Variants in LITAF observed in about 807,000 individuals in gnomAD.
LITAF encodes lipopolysaccharide induced TNF factor.
In LITAF, 9 loss-of-function variants were observed where a neutral mutation model predicts 14.5. That is an observed-to-expected ratio of 0.62 (90% CI 0.37 to 1.08). The LOEUF is 1.08. Among genes scored for constraint, LITAF ranks in the 50% least tolerant of loss-of-function variants. LITAF has a pLI of 0.01. For missense variants in LITAF, 206 were observed against 213.4 expected (o/e 0.97, Z 0.22); for synonymous variants, 98 against 88.2 (o/e 1.11, Z -0.62).
At chr16:11,614,645 A>T (rs1252206986) in intron 3 of LITAF, among the ~76,000 whole-genome samples, 2 of 151,096 alleles carry the variant, frequency 1.3e-5, no homozygotes, top group Non-Finnish European at 3.0e-5. Context: ...TGTCACCCAG[A>T]CTGGAATGCA....
intron 1 of LITAF, among the ~76,000 whole-genome samples, chr16:11,570,242 T>C (rs1428490228): frequency 6.6e-6 from 1 of 152,054 alleles, no homozygotes; most frequent in Non-Finnish European, 1.5e-5. Context: ...GCTGTGAGAA[T>C]GTAGTGAGCA....
At chr16:11,582,210 T>A (rs1248507916) in intron 1 of LITAF, among the ~76,000 whole-genome samples, 5 of 151,640 alleles carry the variant, frequency 3.3e-5, no homozygotes, top group South Asian at 2.1e-4. Flanking sequence ...CATAAATGTG[T>A]ATGATTATTA....
intron 1 of LITAF, among the ~76,000 whole-genome samples, chr16:11,572,407 G>A (rs978686025): frequency 6.6e-6 from 1 of 151,904 alleles, no homozygotes; most frequent in Non-Finnish European, 1.5e-5. Context: ...AAACCACACA[G>A]AGACAGATGA....
At chr16:11,554,180 C>T (rs1037359020) in intron 2 of LITAF, among the ~76,000 whole-genome samples, 1 of 152,132 alleles carries the variant, frequency 6.6e-6, no homozygotes, top group Non-Finnish European at 1.5e-5. Context: ...TGCAGTGAAT[C>T]ATGATTGCGC....
At chr16:11,630,373 A>G (rs932226547) in intron 3 of LITAF, among the ~76,000 whole-genome samples, 9 of 152,138 alleles carry the variant, frequency 5.9e-5, no homozygotes, top group Non-Finnish European at 7.4e-5. Context: ...AAACTCGCCA[A>G]TGATGTCCTA....
intron 3 of LITAF, among the ~76,000 whole-genome samples, chr16:11,614,678 C>T (rs973444326): frequency 3.3e-5 from 5 of 152,160 alleles, no homozygotes; most frequent in African/African-American, 9.7e-5. Context: ...CAGCTCACTG[C>T]AACCTCCACC....
chr16:11,587,188 C>T, upstream of LITAF: 2 of 340,944 alleles, frequency 5.9e-6, no homozygotes, highest in South Asian at 4.4e-5. Flanking sequence ...GTCTCCCCCA[C>T]TCTCCTATCC....
At chr16:11,555,162 A>C (rs1441223817) in intron 2 of LITAF, among the ~76,000 whole-genome samples, 1 of 152,010 alleles carries the variant, frequency 6.6e-6, no homozygotes, top group African/African-American at 2.4e-5. Context: ...CCTCCCAAGT[A>C]GCTGGGACTA....
intron 2 of LITAF, among the ~76,000 whole-genome samples, chr16:11,633,828 T>C (rs1384361990): frequency 1.3e-5 from 2 of 152,186 alleles, no homozygotes; most frequent in African/African-American, 4.8e-5. Context: ...GAATTCTTTC[T>C]TGCACGAGAC....
At chr16:11,633,297 A>C (rs1389921330) in intron 3 of LITAF, among the ~76,000 whole-genome samples, 1 of 152,120 alleles carries the variant, frequency 6.6e-6, no homozygotes, top group African/African-American at 2.4e-5. Flanking sequence ...CAAGTTACTC[A>C]ACCTCTCTGT....
chr16:11,564,958 A>G (rs549518296), intron 1 of LITAF, among the ~76,000 whole-genome samples: 1 of 150,344 alleles, frequency 6.7e-6, no homozygotes, highest in African/African-American at 2.4e-5. Context: ...ACCAGATGGA[A>G]GTTGATGGTT....
chr16:11,553,589 C>A lies in LITAF; in HGVS notation c.321G>T (p.Leu107=). The change falls in exon 3 of 4, where the codon CTG becomes CTT. Residue 107 remains leucine (L), a synonymous_variant. Coordinates refer to ENST00000622633, the MANE Select transcript of LITAF (RefSeq NM_001136472.2). This position sits in a 1 kb window ranked among gnomAD's most constrained non-coding sequence, Gnocchi z 7.7. ...AGGTCAGAGCACCGGCGTTATAGGA[C>A]AGCTGACTCACGATCATCTTGTTGC... ...PSCNKMIVSQ[L]SYNAGALTWL... is the part of the protein sequence containing the mutation. 1.2e-6 allele frequency: 2 copies of A among 1,614,158 alleles called. No homozygotes were observed. Among genetic ancestry groups the A allele is most frequent in the Non-Finnish European group, 1.7e-6 (2 of 1,180,028 alleles).
At chr16:11,628,738 G>A (rs574214821) in intron 3 of LITAF, among the ~76,000 whole-genome samples, 1 of 151,838 alleles carries the variant, frequency 6.6e-6, no homozygotes, top group East Asian at 1.9e-4. Context: ...GTACAGTGGC[G>A]TGTTCTCAGC....
chr16:11,587,531 G>T, upstream of LITAF: 1 of 437,696 alleles, frequency 2.3e-6, no homozygotes, highest in Non-Finnish European at 4.6e-6. Context: ...AGACCGACTG[G>T]GAGTGAACTG....
chr16:11,553,827 G>C lies in LITAF; in HGVS notation c.221-138C>G, dbSNP rs1006315184. 3.0e-6 allele frequency: 3 copies of C among 988,680 alleles called. No homozygotes were observed. The highest frequency in any genetic ancestry group is 4.6e-6 in the Non-Finnish European group (3 of 656,462). 61.2% of individuals were successfully genotyped at this position (988,680 alleles called of 1,614,324 possible). A position where few individuals can be genotyped will look rare whatever the true frequency, so the allele number is the denominator to read the frequency against. ...TTTGTGTTCATAGCATGCGTTCATCGTCTGGCTATCTATGAGAGCCAAAAG... is the reference window on the plus strand; with the variant it reads ...TTTGTGTTCATAGCATGCGTTCATCCTCTGGCTATCTATGAGAGCCAAAAG... On this transcript the variant is annotated intron_variant, in intron 2 of 3. Coordinates refer to ENST00000622633, the MANE Select transcript of LITAF (RefSeq NM_001136472.2). The surrounding 1 kb of genome is among the most constrained non-coding windows in gnomAD (Gnocchi z 7.7).
intron 3 of LITAF, among the ~76,000 whole-genome samples, chr16:11,627,978 C>A (rs1373204448): frequency 7.1e-6 from 1 of 140,558 alleles, no homozygotes; most frequent in Non-Finnish European, 1.5e-5. Context: ...CGTCACTGCA[C>A]TCCAGCCTGA....
chr16:11,609,119 G>A (rs1466831959), intron 3 of LITAF, among the ~76,000 whole-genome samples: 1 of 152,102 alleles, frequency 6.6e-6, no homozygotes, highest in Non-Finnish European at 1.5e-5. Flanking sequence ...AAGGGGATGA[G>A]GTTTCTTTTG....
Position 11,626,767 on chromosome 16 carries a change from C to T in LITAF, c.85+6766G>A, listed in dbSNP as rs187807895. Among the ~76,000 whole-genome samples, 283 of 152,232 alleles carry T rather than the reference C, an allele frequency of 1.9e-3. 2 individuals carry two copies. Among genetic ancestry groups the T allele is most frequent in the South Asian group, 0.013 (61 of 4,826 alleles). ...GATTACAGGCGTGAGCCACCTTGCCCGGCCTTTTAAAACATTTCAAGCTCT... is the reference window on the plus strand; with the variant it reads ...GATTACAGGCGTGAGCCACCTTGCCTGGCCTTTTAAAACATTTCAAGCTCT... On this transcript the variant is annotated intron_variant, in intron 3 of 3. Transcript: ENST00000574848.
intron 3 of LITAF, among the ~76,000 whole-genome samples, chr16:11,604,917 C>T (rs2064947119): frequency 6.6e-6 from 1 of 152,140 alleles, no homozygotes; most frequent in African/African-American, 2.4e-5. Flanking sequence ...CAAGGAACTG[C>T]CTGCTCAGTG....
Sources: gnomAD v4.1 joint callset for allele counts (sites outside exome capture counted in the v4.1 genomes callset) on GRCh38, gnomAD v4.1.1 for gene constraint, Gnocchi (gnomAD v3.1) non-coding constraint, MANE v1.5 for transcripts, NCBI Gene and HGNC (gene_info 2026-07-23, HGNC 2026-07-21) for gene names.